KCNN2: variants seen among roughly 807,000 people sequenced by gnomAD.
KCNN2 encodes potassium calcium-activated channel subfamily N member 2.
In KCNN2, 24 loss-of-function variants were observed where a neutral mutation model predicts 55.5. That is an observed-to-expected ratio of 0.43 (90% CI 0.31 to 0.61). The LOEUF is 0.61. Among genes scored for constraint, KCNN2 ranks in the 20% least tolerant of loss-of-function variants. The pLI, the probability that KCNN2 is intolerant of heterozygous loss-of-function variation, is 0.08. For synonymous variants in KCNN2, 431 were observed against 336.1 expected (o/e 1.28, Z -3.09); for missense variants, 754 against 853.6 (o/e 0.88, Z 1.45).
At chr5:114,222,995 T>C (rs1275296573) in intron 2 of KCNN2, among the ~76,000 whole-genome samples, 1 of 152,208 alleles carries the variant, frequency 6.6e-6, no homozygotes, top group African/African-American at 2.4e-5. Context: ...AGGTCTCTTC[T>C]GCTTTCATGC....
intron 3 of KCNN2, among the ~76,000 whole-genome samples, chr5:114,430,446 G>T (rs1201529701): frequency 6.6e-6 from 1 of 151,966 alleles, no homozygotes; most frequent in African/African-American, 2.4e-5. Context: ...AATAGACTTG[G>T]ATATTATCTT....
intron 2 of KCNN2, among the ~76,000 whole-genome samples, chr5:114,326,278 C>T (rs568740496): frequency 4.6e-5 from 7 of 152,012 alleles, no homozygotes; most frequent in East Asian, 1.9e-4. Flanking sequence ...ACAGAGGCCA[C>T]GGGGATAGGG....
chr5:114,456,627 C>A (rs933835298), intron 3 of KCNN2, among the ~76,000 whole-genome samples: 3 of 152,058 alleles, frequency 2.0e-5, no homozygotes, highest in African/African-American at 7.2e-5. Context: ...AAATTGAAAA[C>A]CTTCTGGAAA....
chr5:114,265,240 T>TG (rs1755186096), intron 2 of KCNN2, among the ~76,000 whole-genome samples: 1 of 39,844 alleles, frequency 2.5e-5, no homozygotes, highest in East Asian at 1.7e-3. Flanking sequence ...AAAATTGTCA[T>TG]ATGTAGAAAA....
chr5:114,392,364 T>C (rs1021953388), intron 2 of KCNN2, among the ~76,000 whole-genome samples: 1 of 152,182 alleles, frequency 6.6e-6, no homozygotes, highest in Non-Finnish European at 1.5e-5. Flanking sequence ...TTCTAGCAAG[T>C]TTTTTTCTTC....
intron 2 of KCNN2, among the ~76,000 whole-genome samples, chr5:114,259,308 G>A (rs752132636): frequency 1.3e-5 from 2 of 152,198 alleles, no homozygotes; most frequent in Admixed American, 6.5e-5. Context: ...CCTGGGTCCA[G>A]CCAGCCCTGT....
At chr5:114,303,480 T>C (rs916031183) in intron 2 of KCNN2, among the ~76,000 whole-genome samples, 8 of 152,094 alleles carry the variant, frequency 5.3e-5, no homozygotes, top group African/African-American at 1.9e-4. Context: ...TTGGTGAAAA[T>C]TGGTTTATAA....
At chr5:114,194,049 A>G (rs753302575) in intron 1 of KCNN2, among the ~76,000 whole-genome samples, 6 of 152,022 alleles carry the variant, frequency 3.9e-5, no homozygotes, top group African/African-American at 1.4e-4. Context: ...TCTCCCCTTC[A>G]TCCTATTCAT....
intron 2 of KCNN2, among the ~76,000 whole-genome samples, chr5:114,332,954 A>G (rs1756850631): frequency 6.6e-6 from 1 of 152,158 alleles, no homozygotes; most frequent in African/African-American, 2.4e-5. Flanking sequence ...CCTTGGAGAA[A>G]TTCCATTTCT....
At chr5:114,065,944 C>A (rs931557886) in intron 1 of KCNN2, among the ~76,000 whole-genome samples, 1 of 128,358 alleles carries the variant, frequency 7.8e-6, no homozygotes, top group East Asian at 2.5e-4. Flanking sequence ...TTTCATGAGA[C>A]TGGGTGGTTC....
chr5:114,396,607 G>A (rs918328427), intron 2 of KCNN2, among the ~76,000 whole-genome samples: 1 of 150,146 alleles, frequency 6.7e-6, no homozygotes, highest in African/African-American at 2.5e-5. Flanking sequence ...GGAGTGCACT[G>A]GCGCGATCTC....
intron 2 of KCNN2, among the ~76,000 whole-genome samples, chr5:114,318,814 T>C (rs1408765257): frequency 1.3e-5 from 2 of 152,118 alleles, no homozygotes; most frequent in Non-Finnish European, 1.5e-5. Context: ...TGGATTATGC[T>C]TCTGGGAAAT....
At chr5:114,293,090 G>A (rs1478459148) in intron 2 of KCNN2, among the ~76,000 whole-genome samples, 1 of 152,054 alleles carries the variant, frequency 6.6e-6, no homozygotes, top group Non-Finnish European at 1.5e-5. Flanking sequence ...GGAGATTTTG[G>A]GCTGAGACAA....
chr5:114,160,061 G>T (rs1752735765), intron 1 of KCNN2, among the ~76,000 whole-genome samples: 1 of 151,998 alleles, frequency 6.6e-6, no homozygotes, highest in Non-Finnish European at 1.5e-5. Context: ...GAATGTGTTT[G>T]CTCTTGCTTC....
chr5:114,495,350 T>G (rs1448629427), intron 7 of KCNN2, among the ~76,000 whole-genome samples: 1 of 152,192 alleles, frequency 6.6e-6, no homozygotes, highest in Non-Finnish European at 1.5e-5. Flanking sequence ...CAAACAATCT[T>G]TAGGAATTTA....
chr5:114,473,689 G>A (rs548034572), intron 5 of KCNN2, among the ~76,000 whole-genome samples: 34 of 152,118 alleles, frequency 2.2e-4, no homozygotes, highest in African/African-American at 6.5e-4. Context: ...TTGGGCAATC[G>A]CTGTCCAAAT....
In KCNN2 at chr5:114,346,940, C is replaced by T. The variant is rs77005653; in HGVS notation, c.-184-14005C>T. Among the ~76,000 whole-genome samples the T allele has an allele frequency of 4.3e-3, 649 of 152,144 alleles. 15 individuals carry two copies. The East Asian group carries it at 0.058, about 14-fold the overall frequency. On this transcript the variant is annotated intron_variant, in intron 2 of 10. Coordinates refer to the KCNN2 transcript ENST00000512097. ...GGACACAGGGGCCAACCTGAAGGAG[C>T]TTTTAATGGCCAAGGCTGGAATCAT...
chr5:114,441,872 T>A (rs1580839691), intron 3 of KCNN2, among the ~76,000 whole-genome samples: 1 of 152,240 alleles, frequency 6.6e-6, no homozygotes, highest in East Asian at 1.9e-4. Context: ...CCACAGCCTG[T>A]CCCTCCAGAA....
chr5:114,294,081 C>G (rs571461644), intron 2 of KCNN2, among the ~76,000 whole-genome samples: 4 of 152,090 alleles, frequency 2.6e-5, no homozygotes, highest in African/African-American at 9.7e-5. Context: ...ATTCTTCTCT[C>G]TTTTTTTCTT....
Sources: gnomAD v4.1 joint callset for allele counts (sites outside exome capture counted in the v4.1 genomes callset) on GRCh38, gnomAD v4.1.1 for gene constraint, MANE v1.5 for transcripts, NCBI Gene and HGNC (gene_info 2026-07-23, HGNC 2026-07-21) for gene names.